BRPF3: variants seen among roughly 807,000 people sequenced by gnomAD.
BRPF3 encodes the protein bromodomain and PHD finger containing 3.
In BRPF3, 18 loss-of-function variants were observed where a neutral mutation model predicts 102.0. The ratio of observed to expected loss-of-function variants is 0.18; its 90% CI spans 0.12 to 0.26. BRPF3 has a LOEUF of 0.26. Among genes scored for constraint, BRPF3 ranks in the 10% least tolerant of loss-of-function variants. The probability of loss-of-function intolerance (pLI) is 1.00; values close to 1 mark genes in which losing one functional copy is unlikely to be tolerated. For missense variants in BRPF3, 1,147 were observed against 1,567.8 expected (o/e 0.73, Z 4.53); for synonymous variants, 570 against 614.2 (o/e 0.93, Z 1.06).
chr6:36,210,546 G>A lies in BRPF3; in HGVS notation c.2179+18G>A, dbSNP rs916066595. ...GGAAGACGGTGAGAGGCCTGGATGG[G>A]TGGGGAGGAGAGGGGCCAGGAGGAG... is the stretch of plus-strand genomic sequence containing the variant. On this transcript the variant is annotated intron_variant, in intron 6 of 12. Transcript: ENST00000357641. The surrounding 1 kb of genome is among the most constrained non-coding windows in gnomAD (Gnocchi z 4.7). The A allele has an allele frequency of 5.1e-6, 8 of 1,566,310 alleles. No individual in the cohort carries two copies. The African/African-American group carries it at 8.1e-5, about 16-fold the overall frequency.
At chr6:36,223,453 A>G (rs991203081) in intron 10 of BRPF3, among the ~76,000 whole-genome samples, 1 of 152,154 alleles carries the variant, frequency 6.6e-6, no homozygotes, top group Non-Finnish European at 1.5e-5. Flanking sequence ...TTAAAACCAC[A>G]TGCTTACTAA....
At position 36,215,503 on chromosome 6, in the gene BRPF3, G is replaced by T. The variant is rs183860952; in HGVS notation, c.2989+1117G>T. On this transcript the variant is annotated intron_variant, in intron 8 of 12. Transcript: ENST00000357641. The stretch of plus-strand genomic sequence containing the variant: ...TCAGACTTAATTCCAGCTCTGGAAG[G>T]TTCACAGGCCATTGGGCAAATGAGT... Among the ~76,000 whole-genome samples the T allele has an allele frequency of 1.8e-3, 280 of 152,340 alleles. 1 individual carries two copies. The highest frequency in any genetic ancestry group is 6.5e-3 in the African/African-American group (270 of 41,572).
In BRPF3 at chr6:36,228,964, C is replaced by T. The variant is rs145548190; in HGVS notation, c.3342C>T (p.Pro1114=). ...LLHNGVPIPV[P]PLDVLKLGEQ... ...ACAATGGCGTTCCCATCCCTGTCCC[C>T]CCGCTGGACGTGCTGAAGCTGGGAG... The change falls in exon 12 of 13, where the codon CCC becomes CCT. Residue 1114 remains proline (P), a synonymous_variant. Coordinates refer to ENST00000357641, the MANE Select transcript of BRPF3 (RefSeq NM_015695.3). The T allele has an allele frequency of 1.9e-6, 3 of 1,614,108 alleles. No homozygotes were observed. Among genetic ancestry groups the T allele is most frequent in the South Asian group, 2.2e-5 (2 of 91,092 alleles).
chr6:36,205,256 G>A (rs907252999), intron 3 of BRPF3, among the ~76,000 whole-genome samples: 14 of 152,204 alleles, frequency 9.2e-5, no homozygotes, highest in African/African-American at 3.4e-4. Context: ...TCCAATTGTG[G>A]TGGCTGTTAG....
intron 11 of BRPF3, among the ~76,000 whole-genome samples, chr6:36,226,363 T>C (rs974932108): frequency 9.2e-5 from 14 of 152,238 alleles, no homozygotes; most frequent in African/African-American, 3.4e-4. Flanking sequence ...TTGATTGTTA[T>C]TTCTGAACTC....
intron 7 of BRPF3, among the ~76,000 whole-genome samples, chr6:36,213,089 G>C (rs182275302): frequency 6.6e-6 from 1 of 152,236 alleles, no homozygotes; most frequent in Non-Finnish European, 1.5e-5. Flanking sequence ...TTACTTGGGT[G>C]ATGTGAAATA....
Position 36,217,917 on chromosome 6 carries a change from G to T in BRPF3, c.2990G>T (p.Gly997Val). ...GACTCACTGTGTGTGTCCTTGGCAG[G>T]CATGACCAACGGCTTTGGAAAACAC... ...ERSPQQEEET[G>V]MTNGFGKHTE... The change falls in exon 9 of 13, where the codon GGC (glycine) becomes GTC (valine). Residue 997 changes from glycine to valine, a missense_variant and splice_region_variant. Around this residue, in one of 11 missense-constraint regions of BRPF3, gnomAD observed 379 missense variants for 426.3 expected, o/e 0.89. Coordinates refer to ENST00000357641, the MANE Select transcript of BRPF3 (RefSeq NM_015695.3). 1 of 1,613,082 alleles carries T rather than the reference G, an allele frequency of 6.2e-7. No homozygotes were observed. The highest frequency in any genetic ancestry group is 8.5e-7 in the Non-Finnish European group (1 of 1,179,482).
intron 2 of BRPF3, among the ~76,000 whole-genome samples, chr6:36,203,416 G>T (rs376948819): frequency 6.6e-6 from 1 of 151,216 alleles, no homozygotes. Context: ...TTTTATTATT[G>T]CTGTTCTTTT....
intron 2 of BRPF3, among the ~76,000 whole-genome samples, chr6:36,203,793 C>G (rs1767803911): frequency 1.3e-5 from 2 of 152,184 alleles, no homozygotes; most frequent in Admixed American, 1.3e-4. Flanking sequence ...CATGGTATAG[C>G]AGAGAGATCG....
intron 11 of BRPF3, 97 bp downstream of exon 11, chr6:36,225,461 G>A (rs1323311494): frequency 8.7e-7 from 1 of 1,148,268 alleles, no homozygotes; most frequent in Non-Finnish European, 1.2e-6. Context: ...GGGAGTCAGA[G>A]TGTCTTTAGC....
At chr6:36,222,492 A>C (rs1768585668) in intron 10 of BRPF3, among the ~76,000 whole-genome samples, 1 of 152,132 alleles carries the variant, frequency 6.6e-6, no homozygotes, top group African/African-American at 2.4e-5. Flanking sequence ...CATAGTAATA[A>C]AAATCAAAAA....
At chr6:36,215,746 A>G (rs796777977) in intron 8 of BRPF3, among the ~76,000 whole-genome samples, 1 of 152,120 alleles carries the variant, frequency 6.6e-6, no homozygotes, top group Non-Finnish European at 1.5e-5. Context: ...GACAGCTTAG[A>G]GAGGGGCTTC....
chr6:36,216,491 G>A (rs1768333786), intron 8 of BRPF3, among the ~76,000 whole-genome samples: 1 of 152,202 alleles, frequency 6.6e-6, no homozygotes, highest in South Asian at 2.1e-4. Flanking sequence ...AAAAAGAGGT[G>A]TTGATCCTTC....
Position 36,201,472 on chromosome 6 carries a change from G to A in BRPF3, c.1150G>A (p.Glu384Lys). Reference sequence around the variant, plus strand: ...TACAGTGCGCAAGACTGCCTACTGTGAGGCCCACTCGCCACCAGGTGCGGC... The same window carrying A: ...TACAGTGCGCAAGACTGCCTACTGTAAGGCCCACTCGCCACCAGGTGCGGC... ...IFTVRKTAYCEAHSPPGAATA... is the reference protein window; with the variant it reads ...IFTVRKTAYCKAHSPPGAATA... The change falls in exon 2 of 13, where the codon GAG (glutamate) becomes AAG (lysine). Residue 384 changes from glutamate (E) to lysine (K), a missense_variant. By Grantham distance (56) the Glu-to-Lys change is moderately conservative (BLOSUM62 1). Around this residue, in one of 11 missense-constraint regions of BRPF3, gnomAD observed 157 missense variants for 163.6 expected, o/e 0.96. Coordinates refer to ENST00000357641, the MANE Select transcript of BRPF3 (RefSeq NM_015695.3). The surrounding 1 kb of genome is among the most constrained non-coding windows in gnomAD (Gnocchi z 5.1). 6.2e-7 allele frequency: 1 copy of A among 1,614,208 alleles called. No homozygotes were observed. The highest frequency in any genetic ancestry group is 8.5e-7 in the Non-Finnish European group (1 of 1,180,046).
intron 1 of BRPF3, chr6:36,197,228 A>C (rs1019863742): frequency 5.9e-5 from 9 of 151,278 alleles, no homozygotes; most frequent in Admixed American, 2.0e-4. Flanking sequence ...CGAGCCGCTA[A>C]GCCCCGCCCC....
At chr6:36,202,954 G>A (rs186533490) in intron 2 of BRPF3, among the ~76,000 whole-genome samples, 48 of 152,322 alleles carry the variant, frequency 3.2e-4, no homozygotes, top group Non-Finnish European at 5.6e-4. Context: ...ATAAGTGTGA[G>A]ATCAGAAGGG....
chr6:36,200,248 G>A lies in BRPF3; in HGVS notation c.-26-49G>A, dbSNP rs1767644805. 1.0e-5 allele frequency: 15 copies of A among 1,491,746 alleles called. No homozygotes were observed. The East Asian group carries it at 1.7e-4, about 16-fold the overall frequency. The allele number at this position is 1,491,746 out of a possible 1,614,324, so 92.4% of individuals were successfully genotyped here. A position where few individuals can be genotyped will look rare whatever the true frequency, so the allele number is the denominator to read the frequency against. On this transcript the variant is annotated intron_variant, in intron 1 of 12. Transcript: ENST00000357641. The surrounding 1 kb of genome is among the most constrained non-coding windows in gnomAD (Gnocchi z 5.3). ...TGCTTGATCATATGGGAGGATGAAT[G>A]GGTGCATAAGGGCATCCAACTCATA...
intron 8 of BRPF3, among the ~76,000 whole-genome samples, chr6:36,217,471 A>G (rs182163207): frequency 6.6e-6 from 1 of 152,310 alleles, no homozygotes; most frequent in East Asian, 1.9e-4. Context: ...TGTGTGATGC[A>G]TAGGTTATGT....
chr6:36,212,152 C>CA (rs1372868218), intron 7 of BRPF3, among the ~76,000 whole-genome samples: 1 of 151,506 alleles, frequency 6.6e-6, no homozygotes, highest in Non-Finnish European at 1.5e-5. Flanking sequence ...TGAGAAAAGA[C>CA]AAAAAAATAA....
Sources: allele counts gnomAD v4.1 joint callset (sites outside exome capture counted in the v4.1 genomes callset), GRCh38; gene constraint gnomAD v4.1.1; regional missense constraint gnomAD v4.1.1; non-coding constraint Gnocchi (gnomAD v3.1); transcripts MANE v1.5; gene names NCBI Gene and HGNC (gene_info 2026-07-23, HGNC 2026-07-21).